Variants in DMD observed in about 807,000 individuals in gnomAD.
The protein encoded by DMD is dystrophin, also known as mutant dystrophin.
Under a neutral mutation model 330.1 loss-of-function variants are expected in DMD, and 63 were observed. The ratio of observed to expected loss-of-function variants is 0.19; its 90% CI spans 0.16 to 0.24. The LOEUF is 0.24. Ranked by LOEUF, DMD falls within the 10% of genes least tolerant of loss-of-function variation. The pLI is 1.00. For synonymous variants in DMD, 1,223 were observed against 959.8 expected (o/e 1.27, Z -5.07); for missense variants, 3,344 against 2,684.1 (o/e 1.25, Z -5.43).
At chrX:32,141,466 A>G (rs920227688) in intron 44 of DMD, among the ~76,000 whole-genome samples, 1 of 109,559 alleles carries the variant, frequency 9.1e-6, no homozygotes, top group Admixed American at 9.8e-5. Context: ...AACAAAAACA[A>G]AAACAAAAAC....
chrX:31,394,961 G>GAGAGAGAGAGAGAGAGAC, intron 60 of DMD, among the ~76,000 whole-genome samples: 1 of 109,663 alleles, frequency 9.1e-6, no homozygotes, highest in Non-Finnish European at 1.9e-5. Context: ...GAGAGAGAGA[G>GAGAGAGAGAGAGAGAGAC]ACCAAGTGTG....
At position 32,793,939 on chromosome X, in the gene DMD, A is replaced by C. The variant is rs188626789; in HGVS notation, c.649+15554T>G. On this transcript the variant is annotated intron_variant, in intron 7 of 78. Transcript: ENST00000357033. ...TGCCAAACCCAGACAATTATGCAAC[A>C]AAAAATACAGGACAACATCCCTGAT... Among the ~76,000 whole-genome samples the C allele has an allele frequency of 2.8e-4, 31 of 111,670 alleles. No homozygotes were observed. In the East Asian group the frequency reaches 8.8e-3, roughly 32 times the overall value.
chrX:31,287,710 A>G (rs2147955066), intron 62 of DMD, among the ~76,000 whole-genome samples: 1 of 112,588 alleles, frequency 8.9e-6, no homozygotes, highest in Admixed American at 9.4e-5. Flanking sequence ...TTGAAAGCTG[A>G]TATCAGAATC....
At chrX:32,562,461 A>G (rs1292956304) in intron 16 of DMD, among the ~76,000 whole-genome samples, 5 of 112,617 alleles carry the variant, frequency 4.4e-5, no homozygotes, top group African/African-American at 6.4e-5. Flanking sequence ...TATGAGTACA[A>G]CTGGGTGCCT....
intron 7 of DMD, among the ~76,000 whole-genome samples, chrX:32,789,041 T>G: frequency 8.9e-6 from 1 of 111,839 alleles, no homozygotes; most frequent in Middle Eastern, 4.6e-3. Flanking sequence ...TCCTCTCACC[T>G]GGGCAACCCT....
In DMD at chrX:33,139,377, A is replaced by G. The variant is rs747917152; in HGVS notation, c.31+71905T>C. On this transcript the variant is annotated intron_variant, in intron 1 of 78. Coordinates refer to ENST00000357033, the MANE Select transcript of DMD (RefSeq NM_004006.3). ...TTGTTTGTTTTTGAGACGGAATTTC[A>G]CTCTTGTCACCCAGGCTGGAGTGCA... Among the ~76,000 whole-genome samples, 5 of 110,408 alleles carry G rather than the reference A, an allele frequency of 4.5e-5. No individual in the cohort carries two copies. The South Asian group carries it at 1.2e-3, about 26-fold the overall frequency.
intron 49 of DMD, among the ~76,000 whole-genome samples, chrX:31,831,793 G>A (rs746381385): frequency 1.8e-5 from 2 of 111,424 alleles, no homozygotes; most frequent in Admixed American, 9.5e-5. Context: ...TAGTAGAGAT[G>A]GGGTTTCACC....
intron 1 of DMD, among the ~76,000 whole-genome samples, chrX:33,069,379 C>T (rs2094711688): frequency 9.0e-6 from 1 of 111,575 alleles, no homozygotes; most frequent in Non-Finnish European, 1.9e-5. Context: ...GATTTATTGC[C>T]TTTTAAAATA....
At chrX:32,589,753 T>A (rs1601937441) in intron 13 of DMD, among the ~76,000 whole-genome samples, 1 of 111,572 alleles carries the variant, frequency 9.0e-6, no homozygotes, top group Admixed American at 9.6e-5. Flanking sequence ...TTGTATATGA[T>A]ATTCTAACTC....
At chrX:32,886,722 C>T (rs552017204) in intron 2 of DMD, among the ~76,000 whole-genome samples, 72 of 111,404 alleles carry the variant, frequency 6.5e-4, no homozygotes, top group African/African-American at 2.2e-3. Flanking sequence ...TAATTTCATG[C>T]GCTGGAAGCT....
chrX:31,661,047 A>G lies in DMD; in HGVS notation c.7873-2903T>C, dbSNP rs1006927682. Among the ~76,000 whole-genome samples the G allele has an allele frequency of 8.0e-5, 9 of 112,420 alleles. No individual in the cohort carries two copies. In the East Asian group the frequency reaches 2.5e-3, roughly 31 times the overall value. On this transcript the variant is annotated intron_variant, in intron 53 of 78. Transcript: ENST00000357033. ...AAATCTCTGAAAGAAATAGTAAGCT[A>G]GAGTTAAATGACAGATTTCCTACTA...
chrX:32,131,500 C>G (rs1389415881), intron 44 of DMD, among the ~76,000 whole-genome samples: 1 of 111,825 alleles, frequency 8.9e-6, no homozygotes, highest in Non-Finnish European at 1.9e-5. Flanking sequence ...ACATGCCTGT[C>G]TAGCCAAATA....
At chrX:31,494,547 C>T (rs764493552) in intron 57 of DMD, among the ~76,000 whole-genome samples, 7 of 111,386 alleles carry the variant, frequency 6.3e-5, no homozygotes, top group Non-Finnish European at 9.4e-5. Context: ...CAAGTGGGGA[C>T]GGATTAACTT....
At chrX:32,514,006 G>A (rs1334506783) in intron 18 of DMD, among the ~76,000 whole-genome samples, 1 of 111,430 alleles carries the variant, frequency 9.0e-6, no homozygotes, top group Non-Finnish European at 1.9e-5. Context: ...GATAAGGCAC[G>A]TTAAGTATTC....
intron 41 of DMD, among the ~76,000 whole-genome samples, chrX:32,338,678 C>G (rs2097726831): frequency 9.0e-6 from 1 of 111,087 alleles, no homozygotes; most frequent in South Asian, 3.7e-4. Context: ...AGTTTGTAAG[C>G]TTATGTTCCT....
intron 1 of DMD, among the ~76,000 whole-genome samples, chrX:33,111,694 C>T (rs984451627): frequency 9.0e-6 from 1 of 111,472 alleles, no homozygotes; most frequent in Non-Finnish European, 1.9e-5. Flanking sequence ...GCAACCTCTG[C>T]CTCTGGGGTT....
intron 9 of DMD, among the ~76,000 whole-genome samples, chrX:32,667,760 C>G (rs994746878): frequency 2.6e-4 from 21 of 81,551 alleles, no homozygotes; most frequent in African/African-American, 1.1e-3. Flanking sequence ...CCATTCTCTG[C>G]TTTTGTGTTT....
chrX:31,440,523 C>T (rs982235867), intron 60 of DMD, among the ~76,000 whole-genome samples: 7 of 112,003 alleles, frequency 6.2e-5, no homozygotes, highest in Non-Finnish European at 1.3e-4. Flanking sequence ...AATAGCAGTT[C>T]GAAAAACCTG....
In DMD at chrX:32,494,496, G is replaced by A. The variant is rs770160356; in HGVS notation, c.2381-2978C>T. 1.3e-3 allele frequency among the ~76,000 whole-genome samples: 143 copies of A among 110,713 alleles called. 1 individual carries two copies. The highest frequency in any genetic ancestry group is 4.4e-3 in the African/African-American group (135 of 30,481). ...TGCCCCTTACTAGATGTGTGAAATG[G>A]GTTCAGTTACTTAATTTCACTGGAT... On this transcript the variant is annotated intron_variant, in intron 19 of 78. Coordinates refer to ENST00000357033, the MANE Select transcript of DMD (RefSeq NM_004006.3).
Sources: gnomAD v4.1 joint callset for allele counts (sites outside exome capture counted in the v4.1 genomes callset) on GRCh38, gnomAD v4.1.1 for gene constraint, MANE v1.5 for transcripts, NCBI Gene and HGNC (gene_info 2026-07-23, HGNC 2026-07-21) for gene names.